The following DPH6 variants were observed in gnomAD, a reference collection of about 807,000 sequenced individuals.
DPH6 encodes diphthamine biosynthesis 6.
Under a neutral mutation model 38.2 loss-of-function variants are expected in DPH6, and 33 were observed. That is an observed-to-expected ratio of 0.86 (90% CI 0.65 to 1.15). DPH6 has a LOEUF of 1.15. Among genes scored for constraint, DPH6 ranks in the 50% most tolerant of loss-of-function variants. DPH6 has a pLI of 0.00. For synonymous variants in DPH6, 108 were observed against 103.0 expected, an observed-to-expected ratio of 1.05 and a Z score of -0.30; for missense variants, 325 against 320.0, an observed-to-expected ratio of 1.02 and a Z score of -0.12.
At position 35,246,406 on chromosome 15, in the gene DPH6, C is replaced by G. The variant is rs147971832; in HGVS notation, n.201-25824G>C. On this transcript the variant is annotated intron_variant and non_coding_transcript_variant, in intron 3 of 3. Transcript: ENST00000560386. The stretch of plus-strand genomic sequence containing the variant: ...TTCCACATATTCTTACGGAGGATGA[C>G]ACATCCAAATGATAATTTGGATATT... Among the ~76,000 whole-genome samples, 590 of 152,280 alleles carry G rather than the reference C, an allele frequency of 3.9e-3. 4 individuals carry two copies. Among genetic ancestry groups the G allele is most frequent in the African/African-American group, 0.014 (561 of 41,546 alleles).
the DPH6 span, among the ~76,000 whole-genome samples, chr15:35,176,610 G>T: frequency 6.6e-6 from 1 of 151,932 alleles, no homozygotes; most frequent in Non-Finnish European, 1.5e-5. Flanking sequence ...TAGCTGGGAT[G>T]ACAGGCATGT....
chr15:35,360,297 CGGGCACAGGT>C (rs143022856), intron 3 of DPH6, among the ~76,000 whole-genome samples: 3,666 of 152,168 alleles, frequency 0.024, 60 homozygotes, highest in African/African-American at 0.045. Flanking sequence ...CCTGTTACTG[CGGGCACAGGT>C]GGGCACAATT....
chr15:35,305,251 G>A (rs1183766821), intron 3 of DPH6, among the ~76,000 whole-genome samples: 5 of 152,062 alleles, frequency 3.3e-5, no homozygotes, highest in Admixed American at 3.3e-4. Context: ...TTTCTAGGGT[G>A]TGTTTTGCCT....
chr15:35,544,742 A>G (rs1269914690), intron 1 of DPH6, among the ~76,000 whole-genome samples: 1 of 152,198 alleles, frequency 6.6e-6, no homozygotes, highest in Non-Finnish European at 1.5e-5. Context: ...TTTTTTTATT[A>G]TAAAGCAACA....
At chr15:35,184,233 A>C in the DPH6 span, among the ~76,000 whole-genome samples, 1 of 152,204 alleles carries the variant, frequency 6.6e-6, no homozygotes, top group Non-Finnish European at 1.5e-5. Context: ...CGATGGTTTC[A>C]TTCAGCCAAG....
chr15:35,314,597 C>T (rs958650483), intron 3 of DPH6, among the ~76,000 whole-genome samples: 1 of 152,060 alleles, frequency 6.6e-6, no homozygotes, highest in Non-Finnish European at 1.5e-5. Flanking sequence ...GGCCAGCCGT[C>T]GGAAGTTGAC....
intron 3 of DPH6, among the ~76,000 whole-genome samples, chr15:35,502,581 G>A (rs1238430449): frequency 1.3e-5 from 2 of 151,780 alleles, no homozygotes; most frequent in Non-Finnish European, 2.9e-5. Context: ...CCAAGTGGTA[G>A]TATTTTAAAG....
At chr15:35,396,795 C>A (rs899068076) in intron 6 of DPH6, among the ~76,000 whole-genome samples, 1 of 152,104 alleles carries the variant, frequency 6.6e-6, no homozygotes, top group South Asian at 2.1e-4. Flanking sequence ...TGTTCCAAAC[C>A]CTTTTGACTT....
At chr15:35,337,083 T>C (rs1374860384) in intron 3 of DPH6, among the ~76,000 whole-genome samples, 1 of 152,160 alleles carries the variant, frequency 6.6e-6, no homozygotes, top group Non-Finnish European at 1.5e-5. Flanking sequence ...TCCTGGACTC[T>C]TTTTGGTTGG....
the DPH6 span, among the ~76,000 whole-genome samples, chr15:35,163,263 C>T: frequency 0.059 from 8,899 of 151,744 alleles, 413 homozygotes; most frequent in East Asian, 0.26. Flanking sequence ...TCCATAGAGC[C>T]CAAGTTTTAC....
chr15:35,283,590 C>T (rs990850387), intron 3 of DPH6, among the ~76,000 whole-genome samples: 8 of 152,234 alleles, frequency 5.3e-5, no homozygotes, highest in Non-Finnish European at 1.2e-4. Flanking sequence ...CTACCACACC[C>T]GGCCCCTGAA....
chr15:35,495,540 T>C (rs1273255718), intron 3 of DPH6, among the ~76,000 whole-genome samples: 2 of 152,138 alleles, frequency 1.3e-5, no homozygotes, highest in Admixed American at 6.5e-5. Context: ...AAGACACATG[T>C]GCATGACTTC....
At chr15:35,215,372 T>C (rs1046029211), downstream of DPH6, among the ~76,000 whole-genome samples, 3 of 152,162 alleles carry the variant, frequency 2.0e-5, no homozygotes, top group Non-Finnish European at 2.9e-5. Flanking sequence ...ACATATAACC[T>C]AAACTATTTA....
intron 6 of DPH6, chr15:35,401,813 A>G: frequency 1.7e-6 from 1 of 578,044 alleles, no homozygotes; most frequent in Non-Finnish European, 3.2e-6. Context: ...GAGCCAGAGA[A>G]GTTGACAGCG....
At chr15:35,161,176 C>T in the DPH6 span, among the ~76,000 whole-genome samples, 2 of 151,866 alleles carry the variant, frequency 1.3e-5, no homozygotes, top group Non-Finnish European at 2.9e-5. Flanking sequence ...ACAACAACAA[C>T]AAAAACACTA....
At chr15:35,430,138 A>C (rs2053613951) in intron 5 of DPH6, among the ~76,000 whole-genome samples, 1 of 152,142 alleles carries the variant, frequency 6.6e-6, no homozygotes, top group Non-Finnish European at 1.5e-5. Flanking sequence ...TTTCCAGTGA[A>C]AGTAAATTGA....
intron 6 of DPH6, among the ~76,000 whole-genome samples, chr15:35,409,200 G>C (rs1424163933): frequency 6.6e-6 from 1 of 151,792 alleles, no homozygotes; most frequent in Non-Finnish European, 1.5e-5. Context: ...GGGTTGGGAG[G>C]GAGGCAGGGT....
chr15:35,177,687 C>T, the DPH6 span, among the ~76,000 whole-genome samples: 2 of 151,386 alleles, frequency 1.3e-5, no homozygotes, highest in African/African-American at 4.9e-5. Context: ...AGCCTTTAAT[C>T]CCAGCACTTT....
intron 6 of DPH6, among the ~76,000 whole-genome samples, chr15:35,399,335 G>GA (rs2053187773): frequency 6.6e-6 from 1 of 152,052 alleles, no homozygotes; most frequent in African/African-American, 2.4e-5. Flanking sequence ...AAGCAAAATT[G>GA]AGAAATTCTA....
Sources: allele counts gnomAD v4.1 joint callset (sites outside exome capture counted in the v4.1 genomes callset), GRCh38; gene constraint gnomAD v4.1.1; transcripts MANE v1.5; gene names NCBI Gene and HGNC (gene_info 2026-07-23, HGNC 2026-07-21).